The following HIVEP3 variants were observed in gnomAD, a reference collection of about 807,000 sequenced individuals.
HIVEP3 encodes the protein transcription factor HIVEP3.
In HIVEP3, 49 loss-of-function variants were observed where a neutral mutation model predicts 152.8. That is an observed-to-expected ratio of 0.32 (90% CI 0.26 to 0.41). The LOEUF (loss-of-function observed/expected upper bound fraction) is 0.41. Among genes scored for constraint, HIVEP3 ranks in the 10% least tolerant of loss-of-function variants. The probability of loss-of-function intolerance (pLI) is 1.00; values close to 1 mark genes in which losing one functional copy is unlikely to be tolerated. For missense variants in HIVEP3, 2,790 were observed against 3,103.3 expected (o/e 0.90, Z 2.40); for synonymous variants, 1,269 against 1,289.0 (o/e 0.98, Z 0.33).
At chr1:41,839,867 C>T (rs956663970) in intron 1 of HIVEP3, among the ~76,000 whole-genome samples, 3 of 152,204 alleles carry the variant, frequency 2.0e-5, no homozygotes, top group African/African-American at 7.2e-5. Context: ...AACATTCAAA[C>T]CCTCCTTCTC....
intron 1 of HIVEP3, among the ~76,000 whole-genome samples, chr1:41,829,968 T>A (rs1642914785): frequency 6.6e-6 from 1 of 152,228 alleles, no homozygotes; most frequent in South Asian, 2.1e-4. Context: ...CCTCCTTCAT[T>A]TTCCCAGAAA....
intron 3 of HIVEP3, among the ~76,000 whole-genome samples, chr1:41,617,255 T>C (rs1446929749): frequency 6.6e-6 from 1 of 152,198 alleles, no homozygotes; most frequent in African/African-American, 2.4e-5. Context: ...GATGCATTCA[T>C]TGTTCCATAG....
intron 2 of HIVEP3, among the ~76,000 whole-genome samples, chr1:41,688,299 C>T (rs940362595): frequency 1.3e-5 from 2 of 152,252 alleles, no homozygotes; most frequent in Non-Finnish European, 2.9e-5. Flanking sequence ...ACTTCCCTGT[C>T]TTTCTCAGGG....
intron 5 of HIVEP3, among the ~76,000 whole-genome samples, chr1:41,528,240 ACACTCACC>A: frequency 2.5e-5 from 2 of 79,812 alleles, no homozygotes; most frequent in South Asian, 4.6e-4. Flanking sequence ...ACACCCTCAC[ACACTCACC>A]CTCACACCCC....
intron 3 of HIVEP3, among the ~76,000 whole-genome samples, chr1:41,603,703 A>T (rs547029004): frequency 6.6e-6 from 1 of 152,304 alleles, no homozygotes; most frequent in Non-Finnish European, 1.5e-5. Context: ...CAGAATATAT[A>T]TTTGGTATGC....
chr1:41,920,577 GTTT>G (rs10708045), upstream of HIVEP3, among the ~76,000 whole-genome samples: 2 of 123,180 alleles, frequency 1.6e-5, no homozygotes, highest in East Asian at 2.2e-4. Flanking sequence ...AAACAAGATG[GTTT>G]TTTTTTTTTT....
intron 1 of HIVEP3, among the ~76,000 whole-genome samples, chr1:41,810,580 G>A (rs1426313967): frequency 6.6e-6 from 1 of 152,178 alleles, no homozygotes; most frequent in South Asian, 2.1e-4. Context: ...ACTGATCCTG[G>A]TAGGTTCATG....
chr1:41,913,357 T>G (rs1263936442), intron 1 of HIVEP3, among the ~76,000 whole-genome samples: 1 of 152,206 alleles, frequency 6.6e-6, no homozygotes, highest in Non-Finnish European at 1.5e-5. Context: ...AAAATTCTTC[T>G]TCTATTTAAA....
chr1:41,774,831 C>T (rs1012536672), intron 1 of HIVEP3, among the ~76,000 whole-genome samples: 1 of 149,642 alleles, frequency 6.7e-6, no homozygotes, highest in Non-Finnish European at 1.5e-5. Flanking sequence ...GGGCCTCACT[C>T]TGTCACTAGG....
chr1:41,904,712 CT>C (rs1644682818), intron 1 of HIVEP3, among the ~76,000 whole-genome samples: 1 of 152,202 alleles, frequency 6.6e-6, no homozygotes, highest in Non-Finnish European at 1.5e-5. Flanking sequence ...TTTGATTTCT[CT>C]AGTTCTTTTG....
At chr1:41,945,563 A>AGTCAG (rs1645070264) in intron 1 of HIVEP3, among the ~76,000 whole-genome samples, 1 of 152,184 alleles carries the variant, frequency 6.6e-6, no homozygotes, top group Non-Finnish European at 1.5e-5. Flanking sequence ...CTGGTATCTC[A>AGTCAG]GTCAGGTCAA....
intron 5 of HIVEP3, among the ~76,000 whole-genome samples, chr1:41,552,687 T>A (rs1643909183): frequency 6.6e-6 from 1 of 151,776 alleles, no homozygotes; most frequent in Admixed American, 6.6e-5. Context: ...TACGTGTGCA[T>A]GTGTCTTTAT....
chr1:41,824,441 T>C (rs1342358281), intron 1 of HIVEP3, among the ~76,000 whole-genome samples: 3 of 152,090 alleles, frequency 2.0e-5, no homozygotes, highest in African/African-American at 7.2e-5. Context: ...TGCCTCCTTT[T>C]CAGTTCAAAA....
Position 41,857,983 on chromosome 1 carries a change from A to ATCTCTC in HIVEP3, c.-801+60424_-801+60429dup, listed in dbSNP as rs56967197. Among the ~76,000 whole-genome samples the ATCTCTC allele has an allele frequency of 2.1e-3, 312 of 148,590 alleles. 1 individual carries two copies. Among genetic ancestry groups the ATCTCTC allele is most frequent in the African/African-American group, 4.3e-3 (173 of 40,002 alleles). On this transcript the variant is annotated intron_variant, in intron 1 of 8. Transcript: ENST00000372583. ...CTGTGAAATCTCAATCAATCAATCA[A>ATCTCTC]TCTCTCTCTCTCTCTCTCTCACCAT...
chr1:41,811,079 GA>G (rs1650929068), intron 1 of HIVEP3, among the ~76,000 whole-genome samples: 1 of 150,172 alleles, frequency 6.7e-6, no homozygotes, highest in Non-Finnish European at 1.5e-5. Context: ...CCATTGGCCT[GA>G]GTCCTCCAAT....
At chr1:41,544,997 T>TACTACCACCACC (rs1643693350) in intron 5 of HIVEP3, among the ~76,000 whole-genome samples, 7 of 39,952 alleles carry the variant, frequency 1.8e-4, no homozygotes, top group Non-Finnish European at 3.0e-4. Flanking sequence ...CCACCATCGC[T>TACTACCACCACC]ACCATCACCA....
chr1:41,926,752 A>G (rs1412726060), intron 1 of HIVEP3, among the ~76,000 whole-genome samples: 1 of 152,236 alleles, frequency 6.6e-6, no homozygotes, highest in East Asian at 1.9e-4. Flanking sequence ...GAATATTAAG[A>G]GAAATTTTTA....
chr1:41,894,622 G>A (rs1331511744), intron 1 of HIVEP3, among the ~76,000 whole-genome samples: 1 of 152,160 alleles, frequency 6.6e-6, no homozygotes, highest in African/African-American at 2.4e-5. Flanking sequence ...ACGCCAGAAT[G>A]TTTATCCAGA....
intron 5 of HIVEP3, among the ~76,000 whole-genome samples, chr1:41,528,964 CCCCA>C: frequency 6.9e-6 from 1 of 144,106 alleles, no homozygotes; most frequent in Non-Finnish European, 1.5e-5. Context: ...CATTCCACAC[CCCCA>C]CCCTCACACT....
Sources: allele counts gnomAD v4.1 joint callset (sites outside exome capture counted in the v4.1 genomes callset), GRCh38; gene constraint gnomAD v4.1.1; transcripts MANE v1.5; gene names NCBI Gene and HGNC (gene_info 2026-07-23, HGNC 2026-07-21).